GNG2: variants seen among roughly 807,000 people sequenced by gnomAD.
GNG2 encodes G protein subunit gamma 2.
A neutral mutation model predicts 5.5 loss-of-function variants in GNG2; 5 were observed. That is an observed-to-expected ratio of 0.91 (90% CI 0.48 to 1.92). The LOEUF (loss-of-function observed/expected upper bound fraction) is 1.92. GNG2 is among the 30% of genes most tolerant of loss of function. GNG2 has a pLI of 0.01. For missense variants in GNG2, 55 were observed against 88.4 expected (o/e 0.62, Z 1.52); for synonymous variants, 28 against 32.0 (o/e 0.88, Z 0.42).
chr14:51,869,374 G>A (rs950290111), intron 1 of GNG2, among the ~76,000 whole-genome samples: 12 of 152,174 alleles, frequency 7.9e-5, no homozygotes, highest in African/African-American at 2.9e-4. Flanking sequence ...TAGCAACCTG[G>A]ATTCTTCCCT....
chr14:51,899,575 C>A (rs983089632), intron 2 of GNG2, among the ~76,000 whole-genome samples: 3 of 152,134 alleles, frequency 2.0e-5, no homozygotes, highest in African/African-American at 7.2e-5. Flanking sequence ...CGTCTGGCAA[C>A]ACTGAAAATC....
chr14:51,830,952 A>G (rs1594827636), intron 2 of GNG2, among the ~76,000 whole-genome samples: 1 of 152,028 alleles, frequency 6.6e-6, no homozygotes, highest in South Asian at 2.1e-4. Context: ...CTGTTTCTCC[A>G]CCCTATTTGT....
chr14:51,919,117 G>A (rs150773012), intron 2 of GNG2, among the ~76,000 whole-genome samples: 10 of 152,136 alleles, frequency 6.6e-5, no homozygotes, highest in South Asian at 2.1e-4. Context: ...GAGCCACCGC[G>A]TCCGGCCTAG....
At chr14:51,897,740 C>G (rs1885290038) in intron 2 of GNG2, among the ~76,000 whole-genome samples, 1 of 152,202 alleles carries the variant, frequency 6.6e-6, no homozygotes, top group African/African-American at 2.4e-5. Context: ...GCTACGTGAA[C>G]TTACGTGATG....
intron 2 of GNG2, among the ~76,000 whole-genome samples, chr14:51,935,162 C>A (rs1444788522): frequency 6.6e-6 from 1 of 151,974 alleles, no homozygotes; most frequent in Non-Finnish European, 1.5e-5. Flanking sequence ...GTAGCTGGGA[C>A]TACAGGTGCC....
At chr14:51,938,818 A>G (rs958384297) in intron 2 of GNG2, among the ~76,000 whole-genome samples, 3 of 152,230 alleles carry the variant, frequency 2.0e-5, no homozygotes, top group Non-Finnish European at 4.4e-5. Flanking sequence ...AAGCAATGGC[A>G]AGGAAGCTCC....
intron 3 of GNG2, among the ~76,000 whole-genome samples, chr14:51,964,781 C>T (rs1479614866): frequency 2.6e-5 from 4 of 152,054 alleles, no homozygotes; most frequent in South Asian, 2.1e-4. Context: ...GAAGGTGAGG[C>T]GGGAGGATGG....
At chr14:51,935,016 A>G (rs1279481258) in intron 2 of GNG2, among the ~76,000 whole-genome samples, 3 of 140,156 alleles carry the variant, frequency 2.1e-5, no homozygotes, top group African/African-American at 8.0e-5. Flanking sequence ...ATTCCAGCCC[A>G]GTTTCTTTCT....
intron 2 of GNG2, among the ~76,000 whole-genome samples, chr14:51,927,433 A>T: frequency 6.6e-6 from 1 of 152,202 alleles, no homozygotes; most frequent in East Asian, 1.9e-4. Context: ...AATATAACAG[A>T]TTGCTATATT....
intron 2 of GNG2, among the ~76,000 whole-genome samples, chr14:51,839,139 A>G (rs11851186): frequency 0.22 from 34,171 of 152,094 alleles, 4,545 homozygotes; most frequent in African/African-American, 0.36. Context: ...GCCTAAGTTA[A>G]GAACACACCT....
intron 2 of GNG2, among the ~76,000 whole-genome samples, chr14:51,933,876 G>A (rs1407768158): frequency 6.6e-6 from 1 of 152,184 alleles, no homozygotes; most frequent in East Asian, 1.9e-4. Flanking sequence ...AGGTATCAGA[G>A]GTCTGAGAAG....
intron 2 of GNG2, among the ~76,000 whole-genome samples, chr14:51,931,983 AC>A (rs1177961011): frequency 6.6e-6 from 1 of 152,086 alleles, no homozygotes; most frequent in Non-Finnish European, 1.5e-5. Context: ...GCGGTGGCTC[AC>A]GCCTGTAATC....
chr14:51,958,333 G>A (rs892817117), intron 3 of GNG2, among the ~76,000 whole-genome samples: 8 of 150,982 alleles, frequency 5.3e-5, no homozygotes, highest in African/African-American at 2.0e-4. Context: ...CCAAGATCTA[G>A]ATGCCAAATG....
At chr14:51,966,311 G>T (rs1889916724) in intron 3 of GNG2, among the ~76,000 whole-genome samples, 1 of 151,262 alleles carries the variant, frequency 6.6e-6, no homozygotes, top group Non-Finnish European at 1.5e-5. Flanking sequence ...GCCAGCGAGT[G>T]CCTCCTTCGG....
At chr14:51,958,447 C>CG (rs1042604506) in intron 3 of GNG2, among the ~76,000 whole-genome samples, 22 of 145,466 alleles carry the variant, frequency 1.5e-4, no homozygotes, top group Non-Finnish European at 2.9e-4. Context: ...GTTCCCCCCC[C>CG]CCATTTATAT....
upstream of GNG2, among the ~76,000 whole-genome samples, chr14:51,859,550 C>T (rs564079991): frequency 5.9e-5 from 9 of 152,284 alleles, no homozygotes; most frequent in African/African-American, 1.9e-4. Flanking sequence ...TTATTAGCAC[C>T]TTGTATACCA....
At chr14:51,904,626 G>T (rs1391549119) in intron 2 of GNG2, among the ~76,000 whole-genome samples, 1 of 152,166 alleles carries the variant, frequency 6.6e-6, no homozygotes, top group Non-Finnish European at 1.5e-5. Flanking sequence ...TCACTCTAGT[G>T]TTGAGAAAGA....
At chr14:51,827,364 C>T (rs188463539) in intron 1 of GNG2, among the ~76,000 whole-genome samples, 1 of 152,232 alleles carries the variant, frequency 6.6e-6, no homozygotes, top group Non-Finnish European at 1.5e-5. Context: ...CTCTTGAGCT[C>T]TACTCCAGGC....
intron 2 of GNG2, among the ~76,000 whole-genome samples, chr14:51,941,540 AGG>A (rs1421134795): frequency 6.6e-6 from 1 of 152,214 alleles, no homozygotes; most frequent in Non-Finnish European, 1.5e-5. Context: ...TACAGGCCTT[AGG>A]GAAGTCTGTC....
Sources: gnomAD v4.1 joint callset for allele counts (sites outside exome capture counted in the v4.1 genomes callset) on GRCh38, gnomAD v4.1.1 for gene constraint, MANE v1.5 for transcripts, NCBI Gene and HGNC (gene_info 2026-07-23, HGNC 2026-07-21) for gene names.